Variants in EPHB2 observed in about 807,000 individuals in gnomAD.
EPHB2 encodes EPH receptor B2.
Under a neutral mutation model 96.4 loss-of-function variants are expected in EPHB2, and 18 were observed. The observed-to-expected ratio is 0.19, with a 90% CI of 0.13 to 0.28. The LOEUF (loss-of-function observed/expected upper bound fraction) is 0.28, where lower values mean the gene tolerates loss of function less well. Ranked by LOEUF, EPHB2 falls within the 10% of genes least tolerant of loss-of-function variation. EPHB2 has a pLI of 1.00. For missense variants in EPHB2, 989 were observed against 1,355.4 expected (o/e 0.73, Z 4.25); for synonymous variants, 506 against 534.1 (o/e 0.95, Z 0.72).
chr1:22,731,310 C>G (rs1243096962), intron 1 of EPHB2, among the ~76,000 whole-genome samples: 1 of 152,182 alleles, frequency 6.6e-6, no homozygotes, highest in Non-Finnish European at 1.5e-5. Context: ...TGCTGAGCGA[C>G]TGTGCACAAG....
chr1:22,912,848 TG>T, intron 15 of EPHB2: 1 of 529,442 alleles, frequency 1.9e-6, no homozygotes, highest in South Asian at 1.9e-5. Context: ...ACCTACAAAC[TG>T]GGGGTTGGTA....
chr1:22,715,949 A>G (rs1253545468), intron 1 of EPHB2, among the ~76,000 whole-genome samples: 2 of 152,178 alleles, frequency 1.3e-5, no homozygotes, highest in Non-Finnish European at 2.9e-5. Flanking sequence ...GCTGGTCTCA[A>G]CCCCTCTAAG....
chr1:22,763,596 G>A (rs1227257323), intron 1 of EPHB2, among the ~76,000 whole-genome samples: 1 of 152,192 alleles, frequency 6.6e-6, no homozygotes, highest in African/African-American at 2.4e-5. Flanking sequence ...CAAGGAGTGA[G>A]TGTGTGGGGT....
chr1:22,727,661 A>G (rs1327471254), intron 1 of EPHB2, among the ~76,000 whole-genome samples: 2 of 152,024 alleles, frequency 1.3e-5, no homozygotes, highest in African/African-American at 4.8e-5. Context: ...CTAGATCTAT[A>G]GCATAAAACT....
chr1:22,735,822 A>G (rs906308090), intron 1 of EPHB2, among the ~76,000 whole-genome samples: 1 of 152,202 alleles, frequency 6.6e-6, no homozygotes, highest in Non-Finnish European at 1.5e-5. Flanking sequence ...GTCGGCCCAG[A>G]GAGCAGGACT....
chr1:22,824,704 C>T (rs997603649), intron 3 of EPHB2, among the ~76,000 whole-genome samples: 1 of 152,266 alleles, frequency 6.6e-6, no homozygotes, highest in African/African-American at 2.4e-5. Flanking sequence ...AGCTAATTAA[C>T]ATCTTGGAGT....
intron 3 of EPHB2, among the ~76,000 whole-genome samples, chr1:22,829,584 C>G (rs1200020360): frequency 2.6e-5 from 4 of 152,238 alleles, no homozygotes; most frequent in Non-Finnish European, 4.4e-5. Context: ...TTCATCCATT[C>G]TGTCAGTTGT....
intron 5 of EPHB2, among the ~76,000 whole-genome samples, chr1:22,880,004 G>A (rs1375656452): frequency 1.3e-5 from 2 of 152,084 alleles, no homozygotes; most frequent in Non-Finnish European, 2.9e-5. Flanking sequence ...TGGGGTGCGG[G>A]AGGGGAGTCT....
In EPHB2 at chr1:22,913,393, C is replaced by T; in HGVS notation, c.2853-69C>T. 6.3e-7 allele frequency: 1 copy of T among 1,580,258 alleles called. No individual in the cohort carries two copies. The highest frequency in any genetic ancestry group is 8.6e-7 in the Non-Finnish European group (1 of 1,161,132). ...CATCTTCCTCCCGGGGAAGCCCAGG[C>T]AGCTCTCTACCAGGCACAGGACCCC... On this transcript the variant is annotated intron_variant, in intron 15 of 15. Coordinates refer to ENST00000374630, the MANE Select transcript of EPHB2 (RefSeq NM_017449.5). The surrounding 1 kb of genome is among the most constrained non-coding windows in gnomAD (Gnocchi z 4.1).
intron 1 of EPHB2, among the ~76,000 whole-genome samples, chr1:22,722,596 G>A (rs937782127): frequency 6.6e-5 from 10 of 152,148 alleles, no homozygotes; most frequent in African/African-American, 1.9e-4. Flanking sequence ...TGTTTTCCAC[G>A]CTCCAGAACA....
chr1:22,821,223 A>G (rs1645147969), intron 3 of EPHB2, among the ~76,000 whole-genome samples: 1 of 152,224 alleles, frequency 6.6e-6, no homozygotes, highest in African/African-American at 2.4e-5. Context: ...CATTTCTGCT[A>G]ACATCTCATC....
chr1:22,803,273 G>A (rs948514052), intron 3 of EPHB2, among the ~76,000 whole-genome samples: 24 of 152,124 alleles, frequency 1.6e-4, no homozygotes, highest in Non-Finnish European at 3.2e-4. Context: ...TGCAGCCGCT[G>A]TGGAGTTGGC....
intron 3 of EPHB2, among the ~76,000 whole-genome samples, chr1:22,851,742 A>G (rs1481664290): frequency 1.3e-5 from 2 of 152,176 alleles, no homozygotes; most frequent in Non-Finnish European, 2.9e-5. Context: ...CTCACGTGCT[A>G]GCAACCCTGA....
At chr1:22,891,784 C>CTT (rs1182545836) in intron 6 of EPHB2, among the ~76,000 whole-genome samples, 1 of 110,308 alleles carries the variant, frequency 9.1e-6, no homozygotes, top group African/African-American at 3.0e-5. Flanking sequence ...AGTCTGGTTT[C>CTT]TTTTTTTTTT....
At chr1:22,736,220 A>G (rs1176030187) in intron 1 of EPHB2, among the ~76,000 whole-genome samples, 1 of 151,512 alleles carries the variant, frequency 6.6e-6, no homozygotes, top group African/African-American at 2.4e-5. Flanking sequence ...TGCTCAGGAG[A>G]CCTCCCTTTC....
chr1:22,715,978 G>A (rs12562997), intron 1 of EPHB2, among the ~76,000 whole-genome samples: 53,066 of 152,002 alleles, frequency 0.35, 9,594 homozygotes, highest in South Asian at 0.52. Context: ...CTCAATGATG[G>A]CGACGTGGCC....
At chr1:22,893,120 A>C in intron 7 of EPHB2, 74 bp downstream of exon 7, 562 of 1,600,520 alleles carry the variant, frequency 3.5e-4, no homozygotes, top group Non-Finnish European at 4.3e-4. Context: ...CACCATTCTC[A>C]TGAAGCACCT....
chr1:22,822,841 C>T (rs899416151), intron 3 of EPHB2, among the ~76,000 whole-genome samples: 2 of 152,224 alleles, frequency 1.3e-5, no homozygotes, highest in African/African-American at 4.8e-5. Context: ...TAGTCTCAGG[C>T]AGAGGCTGAG....
At chr1:22,787,814 C>T (rs990582861) in intron 3 of EPHB2, among the ~76,000 whole-genome samples, 5 of 152,190 alleles carry the variant, frequency 3.3e-5, no homozygotes, top group Non-Finnish European at 5.9e-5. Context: ...TAGCTGGGTT[C>T]TTCTGGCTCA....
Sources: gnomAD v4.1 joint callset for allele counts (sites outside exome capture counted in the v4.1 genomes callset) on GRCh38, gnomAD v4.1.1 for gene constraint, Gnocchi (gnomAD v3.1) non-coding constraint, MANE v1.5 for transcripts, NCBI Gene and HGNC (gene_info 2026-07-23, HGNC 2026-07-21) for gene names.